Variants in POLI observed in about 807,000 individuals in gnomAD.
POLI encodes DNA polymerase iota.
A neutral mutation model predicts 51.6 loss-of-function variants in POLI; 58 were observed. That is an observed-to-expected ratio of 1.12 (90% CI 0.91 to 1.40). POLI has a LOEUF of 1.40. Among genes scored for constraint, POLI ranks in the 40% most tolerant of loss-of-function variants. The pLI is 0.00. For missense variants in POLI, 921 were observed against 871.3 expected (o/e 1.06, Z -0.72); for synonymous variants, 322 against 299.7 (o/e 1.07, Z -0.77).
downstream of POLI, among the ~76,000 whole-genome samples, chr18:54,299,575 A>G (rs2088456314): frequency 6.6e-6 from 1 of 152,244 alleles, no homozygotes; most frequent in South Asian, 2.1e-4. Context: ...CAGAGCAATA[A>G]ATTATTCAGA....
intron 4 of POLI, among the ~76,000 whole-genome samples, chr18:54,279,578 T>C (rs924253556): frequency 3.9e-5 from 6 of 152,142 alleles, no homozygotes; most frequent in Non-Finnish European, 7.4e-5. Context: ...CCAGTTGTTA[T>C]CGTTTTGCCA....
In POLI at chr18:54,273,926, G is replaced by C. The variant is rs1423301648; in HGVS notation, c.242G>C (p.Gly81Ala). The change falls in exon 3 of 10, where the codon GGG becomes GCG. Residue 81 changes from glycine to alanine, a missense_variant and splice_region_variant. Transcript: ENST00000579534. ...GTTTCTCATAAAATATTTTTTACAG[G>C]GGTTCAACAGAAATATTTGGTGGTT... ...SNPELKDKPL[G>A]VQQKYLVVTC... is the part of the protein sequence containing the mutation. The C allele has an allele frequency of 4.0e-6, 6 of 1,497,062 alleles. No homozygotes were observed. The highest frequency in any genetic ancestry group is 5.4e-6 in the Non-Finnish European group (6 of 1,119,770). 92.7% of individuals were successfully genotyped at this position (1,497,062 alleles called of 1,614,324 possible). A position where few individuals can be genotyped will look rare whatever the true frequency, so the allele number is the denominator to read the frequency against.
intron 3 of POLI, among the ~76,000 whole-genome samples, chr18:54,276,764 A>G (rs957382087): frequency 1.3e-5 from 2 of 152,154 alleles, no homozygotes. Flanking sequence ...TTCCCCTCAC[A>G]TTGTCAATGT....
chr18:54,285,632 G>A (rs766356142), intron 7 of POLI, among the ~76,000 whole-genome samples: 11 of 151,688 alleles, frequency 7.3e-5, no homozygotes, highest in Non-Finnish European at 1.2e-4. Flanking sequence ...ATGTAAAACC[G>A]TATTATTTTT....
In POLI at chr18:54,277,683, C is replaced by A. The variant is rs761835717; in HGVS notation, c.407-20C>A. Reference sequence around the variant, plus strand: ...TTATAACTTCATTTACATTTGTGCTCCAATATTATTTCAATTTAGAATTAC... The same window carrying A: ...TTATAACTTCATTTACATTTGTGCTACAATATTATTTCAATTTAGAATTAC... On this transcript the variant is annotated intron_variant, in intron 3 of 9. Coordinates refer to ENST00000579534, the MANE Select transcript of POLI (RefSeq NM_007195.3). 2.0e-6 allele frequency: 3 copies of A among 1,503,524 alleles called. No individual in the cohort carries two copies. Among genetic ancestry groups the A allele is most frequent in the Non-Finnish European group, 2.7e-6 (3 of 1,093,472 alleles). The allele number at this position is 1,503,524 out of a possible 1,614,324, so 93.1% of individuals were successfully genotyped here.
rs1189845602 is a variant in POLI at position 54,282,992 on chromosome 18, G to T, written c.952G>T (p.Val318Leu). The stretch of plus-strand genomic sequence containing the variant: ...CAGTTTTGGAGAGGATAACTCCCCT[G>T]TGATACTCTCAGGACCACCTCAGGT... The part of the protein sequence containing the change: ...KLSFGEDNSP[V>L]ILSGPPQSFS... Residue 318 changes from valine (V) to leucine (L), a missense_variant, in exon 6 of 10, where the codon GTG becomes TTG. Coordinates refer to ENST00000579534, the MANE Select transcript of POLI (RefSeq NM_007195.3). 6.2e-7 allele frequency: 1 copy of T among 1,609,046 alleles called. No individual in the cohort carries two copies. Among genetic ancestry groups the T allele is most frequent in the South Asian group, 1.1e-5 (1 of 90,488 alleles).
At position 54,269,575 on chromosome 18, in the gene POLI, A is replaced by T; in HGVS notation, c.29A>T (p.Glu10Val). The change falls in exon 1 of 10, where the codon GAG becomes GTG. Residue 10 changes from glutamate (E) to valine (V), a missense_variant. Coordinates refer to ENST00000579534, the MANE Select transcript of POLI (RefSeq NM_007195.3). MEKLGVEPE[E>V]EGGGDDDEED... The stretch of plus-strand genomic sequence containing the variant: ...GAGAAGCTGGGGGTGGAGCCGGAGG[A>T]GGAAGGCGGCGGCGACGACGACGAG... 1 of 1,449,514 alleles carries T rather than the reference A, an allele frequency of 6.9e-7. No individual in the cohort carries two copies. Among genetic ancestry groups the T allele is most frequent in the Non-Finnish European group, 9.0e-7 (1 of 1,113,124 alleles). The allele number at this position is 1,449,514 out of a possible 1,614,324, so 89.8% of individuals were successfully genotyped here.
At position 54,296,446 on chromosome 18, in the gene POLI, T is replaced by G; in HGVS notation, c.*1979T>G. 1 of 825,800 alleles carries G rather than the reference T, an allele frequency of 1.2e-6. No individual in the cohort carries two copies. Among genetic ancestry groups the G allele is most frequent in the Non-Finnish European group, 1.5e-6 (1 of 684,328 alleles). The allele number at this position is 825,800 out of a possible 1,614,324, so 51.2% of individuals were successfully genotyped here. The stretch of plus-strand genomic sequence containing the variant: ...GTTTTTAAGATTATCTCTTTTTTCT[T>G]TGGTGCTTTGCAGGTTTACTGTATT... On this transcript the variant is annotated 3_prime_UTR_variant, in exon 10 of 10. Transcript: ENST00000579534.
chr18:54,315,784 T>C (rs2088727060), intron 3 of POLI, among the ~76,000 whole-genome samples: 1 of 152,208 alleles, frequency 6.6e-6, no homozygotes, highest in Non-Finnish European at 1.5e-5. Context: ...CCCTATTCTT[T>C]TTTGTTTTCC....
Position 54,273,879 on chromosome 18 carries a change from T to C in POLI, c.242-47T>C, listed in dbSNP as rs371069842. Reference sequence around the variant, plus strand: ...ATACGGAATTAATAATATCTTTAAATGTTTTCTTCAATTGTGCTTGGGTTT... The same window carrying C: ...ATACGGAATTAATAATATCTTTAAACGTTTTCTTCAATTGTGCTTGGGTTT... On this transcript the variant is annotated intron_variant, in intron 2 of 9. Coordinates refer to ENST00000579534, the MANE Select transcript of POLI (RefSeq NM_007195.3). The C allele has an allele frequency of 5.6e-5, 58 of 1,036,912 alleles. 1 individual carries two copies. The South Asian group carries it at 1.2e-3, about 21-fold the overall frequency. The allele number at this position is 1,036,912 out of a possible 1,614,324, so 64.2% of individuals were successfully genotyped here.
chr18:54,289,594 T>C (rs940233922), intron 8 of POLI, among the ~76,000 whole-genome samples: 1 of 149,854 alleles, frequency 6.7e-6, no homozygotes, highest in Non-Finnish European at 1.5e-5. Flanking sequence ...AAGGCTACAG[T>C]AACCAAAACA....
intron 5 of POLI, among the ~76,000 whole-genome samples, chr18:54,281,798 GC>G (rs1379774862): frequency 7.1e-6 from 1 of 140,860 alleles, no homozygotes; most frequent in Non-Finnish European, 1.5e-5. Flanking sequence ...TTGCCAAATT[GC>G]CAACCTTCTT....
chr18:54,277,722 T>G lies in POLI; in HGVS notation c.426T>G (p.Ser142Arg), dbSNP rs375226021. 2 of 1,601,092 alleles carry G rather than the reference T, an allele frequency of 1.2e-6. No homozygotes were observed. The highest frequency in any genetic ancestry group is 2.7e-5 in the African/African-American group (2 of 74,640). Residue 142 changes from serine (S) to arginine (R), a missense_variant, in exon 4 of 10, where the codon AGT (serine) becomes AGG (arginine). By Grantham distance (110) the Ser-to-Arg change is moderately radical. Transcript: ENST00000579534. ...ATTTAGAATTACTGGAAGAATTTAG[T>G]CCAGTTGTTGAGAGACTTGGATTTG... ...YKVTELLEEF[S>R]PVVERLGFDE... is the part of the protein sequence containing the mutation.
intron 8 of POLI, among the ~76,000 whole-genome samples, chr18:54,289,753 G>T (rs981229039): frequency 2.6e-5 from 4 of 152,102 alleles, no homozygotes; most frequent in Admixed American, 2.6e-4. Flanking sequence ...AATAAATGGT[G>T]CTAGGAAAAC....
intron 1 of POLI, chr18:54,270,109 C>A: frequency 1.2e-6 from 1 of 835,134 alleles, no homozygotes; most frequent in Non-Finnish European, 1.4e-6. Flanking sequence ...GTGGTCACGT[C>A]TCCGGTGACC....
At chr18:54,285,102 A>G (rs1457968506) in intron 7 of POLI, among the ~76,000 whole-genome samples, 2 of 152,304 alleles carry the variant, frequency 1.3e-5, no homozygotes, top group East Asian at 3.9e-4. Context: ...GTCGTGTGCA[A>G]TGTGGCACTC....
intron 5 of POLI, among the ~76,000 whole-genome samples, chr18:54,282,471 C>G (rs1416494793): frequency 1.3e-5 from 2 of 152,040 alleles, no homozygotes; most frequent in Non-Finnish European, 2.9e-5. Context: ...CAACTGTGGT[C>G]TGAAAATAAT....
chr18:54,286,410 T>C (rs182973879), intron 7 of POLI, among the ~76,000 whole-genome samples: 14 of 152,216 alleles, frequency 9.2e-5, no homozygotes, highest in African/African-American at 3.4e-4. Flanking sequence ...TGTACTCATA[T>C]TGTATATTAA....
At chr18:54,278,518 T>A (rs2087353605) in intron 4 of POLI, among the ~76,000 whole-genome samples, 1 of 152,224 alleles carries the variant, frequency 6.6e-6, no homozygotes, top group East Asian at 1.9e-4. Context: ...GACCCTCATG[T>A]TGCTCTCTGA....
Sources: allele counts gnomAD v4.1 joint callset (sites outside exome capture counted in the v4.1 genomes callset), GRCh38; gene constraint gnomAD v4.1.1; transcripts MANE v1.5; gene names NCBI Gene and HGNC (gene_info 2026-07-23, HGNC 2026-07-21).